DGKB: variants seen among roughly 807,000 people sequenced by gnomAD.
DGKB encodes 90 kDa diacylglycerol kinase.
DGKB carries 67 observed loss-of-function variants against 114.3 expected under a neutral mutation model. The ratio of observed to expected loss-of-function variants is 0.59; its 90% CI spans 0.48 to 0.72. The LOEUF is 0.72. DGKB is among the 30% of genes least tolerant of loss of function. The pLI, the probability that DGKB is intolerant of heterozygous loss-of-function variation, is 0.00. For synonymous variants in DGKB, 398 were observed against 323.1 expected, an observed-to-expected ratio of 1.23 and a Z score of -2.49; for missense variants, 907 against 975.2, an observed-to-expected ratio of 0.93 and a Z score of 0.93.
chr7:14,964,901 T>C (rs1397571372), intron 1 of DGKB, among the ~76,000 whole-genome samples: 2 of 152,122 alleles, frequency 1.3e-5, no homozygotes, highest in Non-Finnish European at 2.9e-5. Context: ...ATGTGACAGA[T>C]AGTACTGGAT....
intron 2 of DGKB, among the ~76,000 whole-genome samples, chr7:14,773,173 CTAAA>C (rs1837668258): frequency 6.6e-6 from 1 of 151,980 alleles, no homozygotes; most frequent in Non-Finnish European, 1.5e-5. Context: ...ACATAAAGTG[CTAAA>C]TAATTAGGTG....
intron 2 of DGKB, among the ~76,000 whole-genome samples, chr7:14,827,724 G>C (rs940248392): frequency 1.3e-5 from 2 of 152,012 alleles, no homozygotes; most frequent in African/African-American, 4.8e-5. Context: ...GGGGGGTATG[G>C]TTTAGTTTGG....
chr7:14,509,610 T>C (rs1042800225), intron 20 of DGKB, among the ~76,000 whole-genome samples: 2 of 152,202 alleles, frequency 1.3e-5, no homozygotes, highest in Non-Finnish European at 2.9e-5. Context: ...TTAATCCTTT[T>C]CCTCATCGGT....
chr7:14,953,542 T>A (rs901470653), intron 1 of DGKB, among the ~76,000 whole-genome samples: 1 of 151,968 alleles, frequency 6.6e-6, no homozygotes, highest in African/African-American at 2.4e-5. Flanking sequence ...TAAAGACAGG[T>A]AATAACAGGT....
intron 25 of DGKB, among the ~76,000 whole-genome samples, chr7:14,154,656 G>T (rs574233886): frequency 1.3e-5 from 2 of 151,608 alleles, no homozygotes; most frequent in Admixed American, 6.6e-5. Context: ...ATAGCACTAA[G>T]TAAGTAGAGT....
At chr7:14,750,423 GT>G (rs1391753799) in intron 4 of DGKB, among the ~76,000 whole-genome samples, 4 of 152,136 alleles carry the variant, frequency 2.6e-5, no homozygotes, top group Non-Finnish European at 5.9e-5. Flanking sequence ...GACTGTAACT[GT>G]TTTTGTAACC....
Position 14,146,333 on chromosome 7 carries a change from G to C in DGKB, c.*2798C>G, listed in dbSNP as rs547047245. On this transcript the variant is annotated 3_prime_UTR_variant, in exon 26 of 26. Coordinates refer to ENST00000402815, the MANE Select transcript of DGKB (RefSeq NM_001350709.2). ...ACTCAGTGCCTAGCAATGTTTAGCA[G>C]AGTGCATGTCTCTTTTCCCTCTTTG... The C allele has an allele frequency of 5.3e-5, 8 of 152,286 alleles. No individual in the cohort carries two copies. The highest frequency in any genetic ancestry group is 4.6e-4 in the Admixed American group (7 of 15,284). The allele number at this position is 152,286 out of a possible 1,614,324, so 9.4% of individuals were successfully genotyped here.
At chr7:14,188,426 C>T (rs1388357690) in intron 23 of DGKB, among the ~76,000 whole-genome samples, 6 of 120,312 alleles carry the variant, frequency 5.0e-5, no homozygotes, top group Non-Finnish European at 7.4e-5. Flanking sequence ...TTTGGGAGGC[C>T]GAGGCGGGCG....
intron 21 of DGKB, among the ~76,000 whole-genome samples, chr7:14,392,995 G>GTTTTTGTTTTTGTTTTTTTTTTTTTTT: frequency 3.5e-4 from 21 of 60,544 alleles, no homozygotes; most frequent in Non-Finnish European, 6.5e-4. Flanking sequence ...TTTTGTTTTT[G>GTTTTTGTTTTTGTTTTTTTTTTTTTTT]TTTTTTTTTT....
chr7:14,656,749 T>TACACACACACACACACACAC (rs777452419), intron 13 of DGKB, among the ~76,000 whole-genome samples: 26 of 50,132 alleles, frequency 5.2e-4, no homozygotes, highest in Non-Finnish European at 9.6e-4. Context: ...ATATATAGGA[T>TACACACACACACACACACAC]ATATACACAC....
chr7:14,698,617 T>G (rs1824529067), intron 7 of DGKB, among the ~76,000 whole-genome samples: 1 of 152,128 alleles, frequency 6.6e-6, no homozygotes, highest in African/African-American at 2.4e-5. Context: ...ACTGTTTTAG[T>G]CATGTATTGA....
chr7:14,892,516 A>C (rs2128226940), intron 1 of DGKB, among the ~76,000 whole-genome samples: 1 of 151,392 alleles, frequency 6.6e-6, no homozygotes, highest in East Asian at 1.9e-4. Context: ...CATATAAATA[A>C]ATGTGTATAT....
chr7:14,191,932 T>C (rs768985321), intron 23 of DGKB: 133 of 653,692 alleles, frequency 2.0e-4, no homozygotes, highest in Non-Finnish European at 2.9e-4. Flanking sequence ...AGCTGGAAGA[T>C]GGCCCTAAAT....
chr7:14,777,354 G>A (rs1429662270), intron 2 of DGKB, among the ~76,000 whole-genome samples: 2 of 152,072 alleles, frequency 1.3e-5, no homozygotes, highest in African/African-American at 2.4e-5. Context: ...TGAGATTTGG[G>A]AGAGCTGGGG....
intron 21 of DGKB, among the ~76,000 whole-genome samples, chr7:14,394,379 G>A (rs1821909405): frequency 6.6e-6 from 1 of 152,066 alleles, no homozygotes; most frequent in Non-Finnish European, 1.5e-5. Context: ...TTTTAGACCA[G>A]CTCATCCTCA....
At chr7:14,153,025 G>A (rs573663971) in intron 25 of DGKB, among the ~76,000 whole-genome samples, 1 of 152,150 alleles carries the variant, frequency 6.6e-6, no homozygotes, top group South Asian at 2.1e-4. Context: ...TCATAAAAGG[G>A]ATAGAAGAGG....
chr7:14,588,630 T>A (rs1403692198), intron 17 of DGKB, among the ~76,000 whole-genome samples: 1 of 152,134 alleles, frequency 6.6e-6, no homozygotes, highest in Non-Finnish European at 1.5e-5. Context: ...AGTGGAGCAC[T>A]TTTTTTCTAT....
At chr7:14,606,506 T>A (rs973478202) in intron 17 of DGKB, among the ~76,000 whole-genome samples, 4 of 152,084 alleles carry the variant, frequency 2.6e-5, no homozygotes, top group African/African-American at 9.7e-5. Flanking sequence ...ACAAATTTTA[T>A]TCTGAGTTTT....
Position 14,718,687 on chromosome 7 carries a change from TG to T in DGKB, c.323-3del. ...TGGCACCTTTATTCATTCTCAGACC[TG>T]GAAAAAAAATTGTCTTTATATTTTG... On this transcript the variant is annotated splice_region_variant and splice_polypyrimidine_tract_variant and intron_variant, in intron 5 of 25. Coordinates refer to ENST00000402815, the MANE Select transcript of DGKB (RefSeq NM_001350709.2). 2 of 1,590,864 alleles carry T rather than the reference TG, an allele frequency of 1.3e-6. No individual in the cohort carries two copies. Among genetic ancestry groups the T allele is most frequent in the Non-Finnish European group, 1.7e-6 (2 of 1,171,884 alleles).
Sources: allele counts gnomAD v4.1 joint callset (sites outside exome capture counted in the v4.1 genomes callset), GRCh38; gene constraint gnomAD v4.1.1; transcripts MANE v1.5; gene names NCBI Gene and HGNC (gene_info 2026-07-23, HGNC 2026-07-21).